The following PIK3C3 variants were observed in gnomAD, a reference collection of about 807,000 sequenced individuals.
PIK3C3 encodes PI3-kinase type 3.
A neutral mutation model predicts 126.1 loss-of-function variants in PIK3C3; 95 were observed. The ratio of observed to expected loss-of-function variants is 0.75; its 90% CI spans 0.64 to 0.89. The LOEUF is 0.89. Among genes scored for constraint, PIK3C3 ranks in the 40% least tolerant of loss-of-function variants. The pLI, the probability that PIK3C3 is intolerant of heterozygous loss-of-function variation, is 0.00. For synonymous variants in PIK3C3, 374 were observed against 360.0 expected, an observed-to-expected ratio of 1.04 and a Z score of -0.44; for missense variants, 829 against 1,063.2, an observed-to-expected ratio of 0.78 and a Z score of 3.06.
chr18:41,963,841 GAGTTGTCGTTTTCTTATTGATA>G (rs1980221985), intron 3 of PIK3C3, among the ~76,000 whole-genome samples: 1 of 108,936 alleles, frequency 9.2e-6, no homozygotes, highest in South Asian at 2.9e-4. Context: ...TTTTTTTTTT[GAGTTGTCGTTTTCTTATTGATA>G]TATAAGGAGT....
chr18:42,076,502 T>G (rs1986039562), intron 24 of PIK3C3, among the ~76,000 whole-genome samples: 1 of 152,084 alleles, frequency 6.6e-6, no homozygotes, highest in South Asian at 2.1e-4. Flanking sequence ...ATTTTGCACA[T>G]TGGCCAAAAC....
chr18:42,078,302 G>A (rs939284706), intron 24 of PIK3C3, among the ~76,000 whole-genome samples: 21 of 148,578 alleles, frequency 1.4e-4, no homozygotes, highest in Middle Eastern at 3.5e-3. Flanking sequence ...GCGTGAACCC[G>A]GGAAGCGGAG....
intron 5 of PIK3C3, 152 bp from the exon 6 acceptor site, chr18:41,990,307 A>G (rs1388154000): frequency 3.3e-6 from 2 of 602,438 alleles, no homozygotes; most frequent in African/African-American, 1.9e-5. Flanking sequence ...TGTAAAACAC[A>G]CTACATGTAT....
At chr18:41,981,193 A>G (rs2144333420) in intron 4 of PIK3C3, among the ~76,000 whole-genome samples, 1 of 152,280 alleles carries the variant, frequency 6.6e-6, no homozygotes. Context: ...TGTTTTATTA[A>G]TCACTTTGGT....
At chr18:41,970,503 ATT>A in intron 4 of PIK3C3, 47 bp downstream of exon 4, 1 of 1,535,652 alleles carries the variant, frequency 6.5e-7, no homozygotes, top group Non-Finnish European at 9.0e-7. Flanking sequence ...ACTGATGTCT[ATT>A]GTAGTATATA....
chr18:42,041,673 A>ATGTT (rs1598923934), intron 19 of PIK3C3, among the ~76,000 whole-genome samples: 1 of 151,390 alleles, frequency 6.6e-6, no homozygotes, highest in East Asian at 1.9e-4. Flanking sequence ...TTGGTAGATG[A>ATGTT]TGTTTGATAC....
intron 2 of PIK3C3, among the ~76,000 whole-genome samples, chr18:41,960,546 A>G (rs1980025361): frequency 6.6e-6 from 1 of 152,036 alleles, no homozygotes; most frequent in African/African-American, 2.4e-5. Flanking sequence ...CAGTCTGGTG[A>G]TGTTTTGATT....
intron 9 of PIK3C3, among the ~76,000 whole-genome samples, chr18:42,003,101 A>T (rs751296060): frequency 3.9e-5 from 6 of 152,168 alleles, no homozygotes; most frequent in Non-Finnish European, 7.4e-5. Context: ...TATACAATTT[A>T]AGCATTGAAC....
chr18:42,020,730 AT>A (rs1983283247), intron 13 of PIK3C3, 25 bp downstream of exon 13: 1 of 1,280,436 alleles, frequency 7.8e-7, no homozygotes, highest in African/African-American at 1.5e-5. Flanking sequence ...TTTTCTGTTT[AT>A]TTTCTTATTA....
intron 21 of PIK3C3, among the ~76,000 whole-genome samples, chr18:42,055,527 C>A (rs1032019000): frequency 6.6e-6 from 1 of 151,626 alleles, no homozygotes; most frequent in Admixed American, 6.6e-5. Context: ...AGGAAAGATA[C>A]GACATTCAAT....
At position 42,004,343 on chromosome 18, in the gene PIK3C3, T is replaced by C. The variant is rs185740915; in HGVS notation, c.985-13T>C. The C allele has an allele frequency of 5.2e-4, 833 of 1,598,982 alleles. 1 individual carries two copies. The highest frequency in any genetic ancestry group is 6.6e-4 in the Non-Finnish European group (770 of 1,171,072). Reference sequence around the variant, plus strand: ...TAGGCTGTTTCTAATTTTTAAATATTTTCTGATTTTAGGCCTTGACAAAAT... The same window carrying C: ...TAGGCTGTTTCTAATTTTTAAATATCTTCTGATTTTAGGCCTTGACAAAAT... On this transcript the variant is annotated splice_polypyrimidine_tract_variant and intron_variant, in intron 9 of 24. Coordinates refer to ENST00000262039, the MANE Select transcript of PIK3C3 (RefSeq NM_002647.4).
At chr18:42,066,377 A>G (rs139321763) in intron 23 of PIK3C3, among the ~76,000 whole-genome samples, 69 of 152,038 alleles carry the variant, frequency 4.5e-4, no homozygotes, top group African/African-American at 1.4e-3. Flanking sequence ...CTATACTTCA[A>G]ACACTAAATG....
At chr18:42,028,662 A>T (rs1228313022) in intron 14 of PIK3C3, among the ~76,000 whole-genome samples, 1 of 152,222 alleles carries the variant, frequency 6.6e-6, no homozygotes, top group African/African-American at 2.4e-5. Context: ...TTTCTGTTAC[A>T]GCCTTTGTCA....
rs114939843 is a variant in PIK3C3, at chr18:42,068,989, G to A, written c.2649+1476G>A. Among the ~76,000 whole-genome samples, 1,126 of 150,958 alleles carry A rather than the reference G, an allele frequency of 7.5e-3. 15 individuals carry two copies. The highest frequency in any genetic ancestry group is 0.026 in the African/African-American group (1,074 of 41,198). On this transcript the variant is annotated intron_variant, in intron 24 of 24. Transcript: ENST00000262039. ...AAAAAGAAATAGATATTTAGATTCC[G>A]TTATAACTCTTCAAATACAGACTTC...
intron 11 of PIK3C3, among the ~76,000 whole-genome samples, chr18:42,014,819 A>G (rs1047145482): frequency 9.2e-5 from 14 of 152,136 alleles, no homozygotes; most frequent in African/African-American, 3.4e-4. Flanking sequence ...TTTTATTTGG[A>G]GAAGAACCGA....
intron 24 of PIK3C3, among the ~76,000 whole-genome samples, chr18:42,077,655 A>T (rs1053307095): frequency 6.6e-6 from 1 of 152,164 alleles, no homozygotes; most frequent in African/African-American, 2.4e-5. Flanking sequence ...CACATCTGCA[A>T]TTACTTCCTC....
chr18:41,975,849 G>A (rs1393327183), intron 4 of PIK3C3, among the ~76,000 whole-genome samples: 2 of 151,914 alleles, frequency 1.3e-5, no homozygotes, highest in Non-Finnish European at 2.9e-5. Flanking sequence ...ACAGGCACCC[G>A]CCATCATGCC....
chr18:41,967,357 A>G (rs189896636), intron 3 of PIK3C3, among the ~76,000 whole-genome samples: 139 of 152,320 alleles, frequency 9.1e-4, no homozygotes, highest in Middle Eastern at 6.8e-3. Context: ...GCCATGTGCC[A>G]CTACCATTCT....
chr18:42,064,283 G>C (rs559231), intron 22 of PIK3C3, among the ~76,000 whole-genome samples: 2 of 151,916 alleles, frequency 1.3e-5, no homozygotes, highest in African/African-American at 4.8e-5. Context: ...AAGATACTCA[G>C]GAGTGATTCA....
Sources: gnomAD v4.1 joint callset for allele counts (sites outside exome capture counted in the v4.1 genomes callset) on GRCh38, gnomAD v4.1.1 for gene constraint, MANE v1.5 for transcripts, NCBI Gene and HGNC (gene_info 2026-07-23, HGNC 2026-07-21) for gene names.